The following SLC35D4 variants were observed in gnomAD, a reference collection of about 807,000 sequenced individuals.
SLC35D4 encodes the protein solute carrier family 35 member D4, also known as UDP-N-acetylglucosamine transporter SLC35D4.
chr18:23,297,038 CA>C, the SLC35D4 span: 1 of 152,014 alleles, frequency 6.6e-6, no homozygotes, highest in African/African-American at 2.4e-5. Context: ...AGCATGACAG[CA>C]AAGAAAGGAC....
chr18:23,333,471 G>C, the SLC35D4 span, among the ~76,000 whole-genome samples: 1 of 152,312 alleles, frequency 6.6e-6, no homozygotes, highest in African/African-American at 2.4e-5. Flanking sequence ...TTTAATAACT[G>C]CCAAAGTGTT....
chr18:23,356,461 G>A, the SLC35D4 span: 2 of 865,466 alleles, frequency 2.3e-6, no homozygotes, highest in Non-Finnish European at 3.7e-6. The surrounding 1 kb of genome is among the most constrained non-coding windows in gnomAD (Gnocchi z 4.1). Context: ...CATAATGACT[G>A]CTTCCTTGCC....
At chr18:23,281,993 C>T in the SLC35D4 span, among the ~76,000 whole-genome samples, 1 of 152,236 alleles carries the variant, frequency 6.6e-6, no homozygotes, top group East Asian at 1.9e-4. Flanking sequence ...GGACAGAACC[C>T]TGGTTCCATC....
the SLC35D4 span, chr18:23,370,346 T>A: frequency 2.8e-6 from 4 of 1,405,850 alleles, no homozygotes; most frequent in African/African-American, 1.5e-5. Context: ...AAAATCCACA[T>A]GGATAAAGGC....
At chr18:23,418,530 AGT>A in the SLC35D4 span, among the ~76,000 whole-genome samples, 1 of 151,318 alleles carries the variant, frequency 6.6e-6, no homozygotes, top group African/African-American at 2.4e-5. Flanking sequence ...TTGTATTTTT[AGT>A]AGAGATGGGG....
the SLC35D4 span, among the ~76,000 whole-genome samples, chr18:23,426,580 T>C: frequency 6.6e-6 from 1 of 152,088 alleles, no homozygotes; most frequent in Non-Finnish European, 1.5e-5. Context: ...GTCGTGAAAA[T>C]GGCCATACAG....
chr18:23,374,671 G>C, the SLC35D4 span, among the ~76,000 whole-genome samples: 1 of 151,950 alleles, frequency 6.6e-6, no homozygotes, highest in Non-Finnish European at 1.5e-5. Context: ...TTTTAGTAGA[G>C]GTGGGGTTTC....
chr18:23,428,938 G>T, the SLC35D4 span, among the ~76,000 whole-genome samples: 4 of 152,222 alleles, frequency 2.6e-5, no homozygotes, highest in Non-Finnish European at 4.4e-5. Context: ...AAAACATGCA[G>T]TATTTGGTTT....
chr18:23,257,176 T>G, the SLC35D4 span: 4 of 1,598,904 alleles, frequency 2.5e-6, no homozygotes, highest in Non-Finnish European at 2.6e-6. Flanking sequence ...GCAGAAAGAC[T>G]AGGATTTTAA....
the SLC35D4 span, among the ~76,000 whole-genome samples, chr18:23,418,078 A>G: frequency 6.6e-6 from 1 of 152,318 alleles, no homozygotes; most frequent in East Asian, 1.9e-4. Flanking sequence ...ATTTAGTAAG[A>G]CTTGTGCTTA....
the SLC35D4 span, among the ~76,000 whole-genome samples, chr18:23,251,519 C>T: frequency 1.3e-5 from 2 of 152,100 alleles, no homozygotes; most frequent in East Asian, 1.9e-4. Flanking sequence ...AGTATACTCT[C>T]GAGGAGGGAT....
chr18:23,297,900 CTCTT>C, the SLC35D4 span: 23 of 1,367,950 alleles, frequency 1.7e-5, no homozygotes, highest in Non-Finnish European at 2.2e-5. Context: ...CCTTGCATTC[CTCTT>C]TCTGACACAT....
At chr18:23,323,049 A>C in the SLC35D4 span, among the ~76,000 whole-genome samples, 4 of 152,252 alleles carry the variant, frequency 2.6e-5, no homozygotes, top group African/African-American at 9.6e-5. Flanking sequence ...GTTAAGCAGA[A>C]CTCTGTGCTT....
At chr18:23,365,528 G>C in the SLC35D4 span, 1 of 1,324,156 alleles carries the variant, frequency 7.6e-7, no homozygotes, top group Non-Finnish European at 1.0e-6. Flanking sequence ...CAGTCATCCT[G>C]GGGGGCAATG....
the SLC35D4 span, among the ~76,000 whole-genome samples, chr18:23,246,652 A>G: frequency 2.2e-4 from 33 of 151,204 alleles, no homozygotes; most frequent in Admixed American, 5.3e-4. Context: ...TGGCCTCCCA[A>G]AGTGCTGGGA....
At chr18:23,371,945 T>TTTTTTTTTTTTTTTTTTTTTG in the SLC35D4 span, among the ~76,000 whole-genome samples, 4 of 73,346 alleles carry the variant, frequency 5.5e-5, no homozygotes, top group African/African-American at 1.2e-4. Flanking sequence ...GTTTTTTTTT[T>TTTTTTTTTTTTTTTTTTTTTG]TTTTTTTTGA....
chr18:23,345,259 G>A, the SLC35D4 span, among the ~76,000 whole-genome samples: 28 of 151,950 alleles, frequency 1.8e-4, no homozygotes, highest in African/African-American at 6.0e-4. Flanking sequence ...CGAGGTGGGC[G>A]GATCGCTAGG....
chr18:23,379,759 G>A, the SLC35D4 span, among the ~76,000 whole-genome samples: 1 of 152,162 alleles, frequency 6.6e-6, no homozygotes, highest in African/African-American at 2.4e-5. Context: ...GTCCTACTGA[G>A]GTCTCAGGGT....
chr18:23,366,721 G>A, the SLC35D4 span, among the ~76,000 whole-genome samples: 1,468 of 152,256 alleles, frequency 9.6e-3, 11 homozygotes, highest in Non-Finnish European at 0.014. Context: ...GCTGTCTCCC[G>A]GAGCCATTTC....
Sources: allele counts gnomAD v4.1 joint callset (sites outside exome capture counted in the v4.1 genomes callset), GRCh38; gene constraint gnomAD v4.1.1; non-coding constraint Gnocchi (gnomAD v3.1); transcripts MANE v1.5; gene names NCBI Gene and HGNC (gene_info 2026-07-23, HGNC 2026-07-21).